Variants in NAALADL2 observed in about 807,000 individuals in gnomAD.
NAALADL2 encodes the protein N-acetylated alpha-linked acidic dipeptidase like 2, also known as inactive N-acetylated-alpha-linked acidic dipeptidase-like protein 2.
NAALADL2 carries 76 observed loss-of-function variants against 87.2 expected under a neutral mutation model. The observed-to-expected ratio is 0.87, with a 90% CI of 0.72 to 1.05. The LOEUF is 1.05. Among genes scored for constraint, NAALADL2 ranks in the 50% least tolerant of loss-of-function variants. The pLI is 0.00. For synonymous variants in NAALADL2, 354 were observed against 331.0 expected (o/e 1.07, Z -0.75); for missense variants, 1,089 against 945.8 (o/e 1.15, Z -1.99).
chr3:175,075,361 T>C (rs1301985364), intron 1 of NAALADL2, among the ~76,000 whole-genome samples: 1 of 152,218 alleles, frequency 6.6e-6, no homozygotes, highest in African/African-American at 2.4e-5. Context: ...CAGTCTTGTT[T>C]ATATATAAAA....
intron 3 of NAALADL2, among the ~76,000 whole-genome samples, chr3:174,836,708 CA>C (rs36091749): frequency 0.12 from 7,846 of 64,686 alleles, 63 homozygotes; most frequent in Middle Eastern, 0.2. Flanking sequence ...GACTCCGTCT[CA>C]AAAAAAAAAA....
intron 11 of NAALADL2, among the ~76,000 whole-genome samples, chr3:175,651,019 C>T (rs1287625695): frequency 3.9e-4 from 60 of 151,932 alleles, no homozygotes; most frequent in Admixed American, 3.9e-3. Context: ...GGAATACAAA[C>T]AAAAAAATAT....
At chr3:175,788,172 C>T (rs562338030) in intron 13 of NAALADL2, among the ~76,000 whole-genome samples, 8 of 148,988 alleles carry the variant, frequency 5.4e-5, no homozygotes, top group Non-Finnish European at 1.2e-4. Flanking sequence ...GGGCTCACTG[C>T]ATCCTTGACC....
In NAALADL2 at chr3:175,212,336, TA is replaced by T. The variant is rs140929947; in HGVS notation, c.546-21585del. On this transcript the variant is annotated intron_variant, in intron 2 of 13. Transcript: ENST00000454872. ...GTTAATTAATCAAGTCATAGTAAGG[TA>T]AAAAAAAAATGAGTTATATCCCATT... Among the ~76,000 whole-genome samples, 490 of 147,666 alleles carry T rather than the reference TA, an allele frequency of 3.3e-3. 2 individuals are homozygous for T. Among genetic ancestry groups the T allele is most frequent in the African/African-American group, 0.011 (453 of 40,568 alleles).
chr3:175,263,797 T>C (rs1050604714), intron 4 of NAALADL2, among the ~76,000 whole-genome samples: 1 of 151,704 alleles, frequency 6.6e-6, no homozygotes, highest in African/African-American at 2.4e-5. Flanking sequence ...ATCCCTTCTA[T>C]ACAGTTCGCC....
chr3:175,457,006 T>G (rs1162232437), intron 6 of NAALADL2, among the ~76,000 whole-genome samples: 1 of 152,104 alleles, frequency 6.6e-6, no homozygotes, highest in Non-Finnish European at 1.5e-5. Flanking sequence ...GCTCTGAATC[T>G]TTAACAGTAA....
chr3:174,965,637 G>GA (rs538724823), intron 1 of NAALADL2, among the ~76,000 whole-genome samples: 230 of 152,070 alleles, frequency 1.5e-3, no homozygotes, highest in Middle Eastern at 0.014. Context: ...TTATATGAAG[G>GA]AAAAAAACAA....
chr3:175,625,156 C>T (rs1036723390), intron 10 of NAALADL2, among the ~76,000 whole-genome samples: 1 of 151,920 alleles, frequency 6.6e-6, no homozygotes, highest in South Asian at 2.1e-4. Flanking sequence ...AATATAAAAA[C>T]GAGTGTATTC....
intron 3 of NAALADL2, among the ~76,000 whole-genome samples, chr3:174,742,351 G>T (rs141018798): frequency 0.014 from 2,090 of 151,642 alleles, 12 homozygotes; most frequent in Middle Eastern, 0.02. Context: ...GGCAATAAAA[G>T]AATTCTTAGG....
intron 1 of NAALADL2, among the ~76,000 whole-genome samples, chr3:175,018,177 C>T (rs533108260): frequency 1.3e-5 from 2 of 152,132 alleles, no homozygotes; most frequent in East Asian, 3.9e-4. Context: ...GATGACTCTT[C>T]CATGTTCACG....
intron 4 of NAALADL2, 45 bp downstream of exon 4, chr3:175,256,575 C>T: frequency 6.3e-7 from 1 of 1,585,668 alleles, no homozygotes; most frequent in East Asian, 2.3e-5. Flanking sequence ...AATATTTTGC[C>T]TTGTTTTGTT....
At chr3:175,151,829 A>G (rs1469762343) in intron 2 of NAALADL2, among the ~76,000 whole-genome samples, 1 of 152,236 alleles carries the variant, frequency 6.6e-6, no homozygotes, top group East Asian at 1.9e-4. Context: ...AATCATAGCA[A>G]CAACAAAAAA....
At position 174,877,431 on chromosome 3, in the gene NAALADL2, T is replaced by G. The variant is rs576456189; in HGVS notation, c.43+17981T>G. ...GAAATAGATAGACATTACTTCAATCTCCATTCCATTCTCAATTCTCCCTAT... is the reference window on the plus strand; with the variant it reads ...GAAATAGATAGACATTACTTCAATCGCCATTCCATTCTCAATTCTCCCTAT... On this transcript the variant is annotated intron_variant, in intron 1 of 13. Transcript: ENST00000454872. 3.3e-5 allele frequency among the ~76,000 whole-genome samples: 5 copies of G among 152,192 alleles called. 1 individual carries two copies. In the South Asian group the frequency reaches 1.0e-3, roughly 32 times the overall value.
intron 4 of NAALADL2, among the ~76,000 whole-genome samples, chr3:175,305,262 GTGTGTGTGTA>G (rs1057352442): frequency 8.4e-5 from 12 of 142,986 alleles, no homozygotes; most frequent in Non-Finnish European, 1.7e-4. Context: ...GTGTGTGTGT[GTGTGTGTGTA>G]TGTGTATGTG....
intron 5 of NAALADL2, among the ~76,000 whole-genome samples, chr3:175,379,677 T>C (rs1252871077): frequency 6.6e-6 from 1 of 152,030 alleles, no homozygotes; most frequent in Non-Finnish European, 1.5e-5. Context: ...AGTGCTGAGA[T>C]TACAGGTGTG....
intron 5 of NAALADL2, among the ~76,000 whole-genome samples, chr3:175,399,152 G>T (rs1281648117): frequency 3.9e-5 from 6 of 151,970 alleles, no homozygotes. Context: ...TGCTACAAGG[G>T]TTTGTGATAA....
At chr3:175,314,618 A>G (rs1443004664) in intron 4 of NAALADL2, among the ~76,000 whole-genome samples, 1 of 123,084 alleles carries the variant, frequency 8.1e-6, no homozygotes, top group Non-Finnish European at 1.7e-5. Flanking sequence ...ATACTGTAAA[A>G]TAGTTTTGAA....
At chr3:175,092,288 G>T (rs1285554087) in intron 1 of NAALADL2, among the ~76,000 whole-genome samples, 1 of 150,222 alleles carries the variant, frequency 6.7e-6, no homozygotes, top group East Asian at 1.9e-4. Context: ...ACATAGCAAA[G>T]CCAGGATTTG....
At chr3:175,041,991 TA>T (rs1272761689) in intron 1 of NAALADL2, among the ~76,000 whole-genome samples, 1 of 152,186 alleles carries the variant, frequency 6.6e-6, no homozygotes, top group Admixed American at 6.6e-5. Context: ...CATTATTAAC[TA>T]TAGTCAGCAT....
Sources: allele counts gnomAD v4.1 joint callset (sites outside exome capture counted in the v4.1 genomes callset), GRCh38; gene constraint gnomAD v4.1.1; transcripts MANE v1.5; gene names NCBI Gene and HGNC (gene_info 2026-07-23, HGNC 2026-07-21).